Variants in CNBD1 observed in about 807,000 individuals in gnomAD.
CNBD1 encodes the protein cyclic nucleotide binding domain containing 1, also known as cyclic nucleotide-binding domain-containing protein 1.
In CNBD1, 71 loss-of-function variants were observed where a neutral mutation model predicts 54.4. The observed-to-expected ratio is 1.30, with a 90% CI of 1.08 to 1.59. The LOEUF is 1.59. Ranked by LOEUF, CNBD1 falls within the 40% of genes most tolerant of loss-of-function variation. The pLI, the probability that CNBD1 is intolerant of heterozygous loss-of-function variation, is 0.00. For missense variants in CNBD1, 659 were observed against 518.0 expected (o/e 1.27, Z -2.64); for synonymous variants, 182 against 170.7 (o/e 1.07, Z -0.51).
chr8:87,322,873 C>T (rs1809568493), intron 8 of CNBD1, among the ~76,000 whole-genome samples: 1 of 117,816 alleles, frequency 8.5e-6, no homozygotes, highest in Admixed American at 8.5e-5. Context: ...ACATGAAGTC[C>T]TTGCCCATGC....
At chr8:87,077,376 G>A (rs62527275) in intron 4 of CNBD1, among the ~76,000 whole-genome samples, 3 of 150,906 alleles carry the variant, frequency 2.0e-5, no homozygotes, top group African/African-American at 4.9e-5. Context: ...GCAGAAAGAC[G>A]GCTAACTAGC....
chr8:87,397,046 T>G (rs2130974172), intron 2 of CNBD1, among the ~76,000 whole-genome samples: 1 of 152,058 alleles, frequency 6.6e-6, no homozygotes, highest in African/African-American at 2.4e-5. Flanking sequence ...AGGCAAGCTT[T>G]TAAAATATAA....
chr8:86,932,760 T>C (rs960788525), intron 3 of CNBD1, among the ~76,000 whole-genome samples: 1 of 152,066 alleles, frequency 6.6e-6, no homozygotes, highest in African/African-American at 2.4e-5. Flanking sequence ...ATGGATTCAT[T>C]TCAAGGGTGA....
At chr8:87,270,459 A>G (rs996511136) in intron 6 of CNBD1, among the ~76,000 whole-genome samples, 6 of 151,980 alleles carry the variant, frequency 3.9e-5, no homozygotes, top group African/African-American at 1.4e-4. Flanking sequence ...AAGTCAACAA[A>G]TAACAGATTC....
chr8:87,012,971 C>T (rs1433027389), intron 4 of CNBD1, among the ~76,000 whole-genome samples: 1 of 152,200 alleles, frequency 6.6e-6, no homozygotes, highest in East Asian at 1.9e-4. Flanking sequence ...CATGGTCACT[C>T]ATATTTGGCT....
intron 6 of CNBD1, among the ~76,000 whole-genome samples, chr8:87,252,123 C>T (rs1807929299): frequency 6.6e-6 from 1 of 152,040 alleles, no homozygotes. Context: ...TTTTTCCATT[C>T]TGTTATAATC....
chr8:87,306,795 T>C (rs971100310), intron 8 of CNBD1, among the ~76,000 whole-genome samples: 1 of 151,902 alleles, frequency 6.6e-6, no homozygotes, highest in Non-Finnish European at 1.5e-5. Context: ...TAGAAGACTA[T>C]AAATATGGTG....
At chr8:87,277,838 T>C (rs7837819) in intron 6 of CNBD1, among the ~76,000 whole-genome samples, 42,644 of 151,336 alleles carry the variant, frequency 0.28, 6,461 homozygotes, top group African/African-American at 0.39. Flanking sequence ...TAAAAAGTTA[T>C]CAGGAATGTC....
At chr8:87,137,918 A>G (rs1812291253) in intron 4 of CNBD1, among the ~76,000 whole-genome samples, 2 of 152,128 alleles carry the variant, frequency 1.3e-5, no homozygotes, top group Non-Finnish European at 2.9e-5. Context: ...TTTCTGCCAT[A>G]ATTATGGTTA....
chr8:87,372,697 A>G (rs979020005), intron 10 of CNBD1, among the ~76,000 whole-genome samples: 3 of 151,864 alleles, frequency 2.0e-5, no homozygotes, highest in Non-Finnish European at 2.9e-5. Flanking sequence ...GCTCTTACCT[A>G]TCAATGATTA....
At chr8:87,003,253 A>G (rs1457435265) in intron 4 of CNBD1, among the ~76,000 whole-genome samples, 1 of 152,228 alleles carries the variant, frequency 6.6e-6, no homozygotes, top group Non-Finnish European at 1.5e-5. Flanking sequence ...TTGGTATTTT[A>G]AAATATTTGT....
chr8:86,967,088 C>G (rs1563840925), intron 4 of CNBD1, among the ~76,000 whole-genome samples: 1 of 152,158 alleles, frequency 6.6e-6, no homozygotes, highest in Non-Finnish European at 1.5e-5. Context: ...CCACCTGACC[C>G]AGAAGCCCAC....
At chr8:86,947,856 T>G (rs1443098187) in intron 4 of CNBD1, among the ~76,000 whole-genome samples, 1 of 152,106 alleles carries the variant, frequency 6.6e-6, no homozygotes, top group Non-Finnish European at 1.5e-5. Context: ...TGGGTCTTAT[T>G]TATTCTATTT....
At chr8:87,348,647 G>T (rs1047206140) in intron 8 of CNBD1, among the ~76,000 whole-genome samples, 3 of 152,146 alleles carry the variant, frequency 2.0e-5, no homozygotes, top group African/African-American at 7.2e-5. Context: ...TGGTATGTTA[G>T]ACTAGTAGGC....
At chr8:87,049,364 C>A (rs543441792) in intron 4 of CNBD1, among the ~76,000 whole-genome samples, 1 of 152,104 alleles carries the variant, frequency 6.6e-6, no homozygotes, top group African/African-American at 2.4e-5. Context: ...CATGGAGAAC[C>A]AGGAAAGCAT....
chr8:87,380,170 A>G (rs1166829184), intron 10 of CNBD1, among the ~76,000 whole-genome samples: 1 of 151,988 alleles, frequency 6.6e-6, no homozygotes, highest in African/African-American at 2.4e-5. Flanking sequence ...TAATTTAATA[A>G]TTTGTGCTAA....
chr8:86,906,490 A>C (rs62528023), intron 3 of CNBD1, among the ~76,000 whole-genome samples: 64,905 of 151,826 alleles, frequency 0.43, 14,489 homozygotes, highest in African/African-American at 0.56. Context: ...CTAGATGTAC[A>C]TACATCTGGA....
intron 2 of CNBD1, among the ~76,000 whole-genome samples, chr8:87,402,593 C>G (rs1428082959): frequency 6.6e-6 from 1 of 152,060 alleles, no homozygotes; most frequent in Non-Finnish European, 1.5e-5. Flanking sequence ...GGAGTCCAAA[C>G]TTTATTCATT....
At chr8:86,948,778 G>A (rs2130442621) in intron 4 of CNBD1, among the ~76,000 whole-genome samples, 1 of 152,100 alleles carries the variant, frequency 6.6e-6, no homozygotes, top group East Asian at 1.9e-4. Context: ...GATCTCATTT[G>A]TCCATTTTTG....
Sources: gnomAD v4.1 joint callset for allele counts (sites outside exome capture counted in the v4.1 genomes callset) on GRCh38, gnomAD v4.1.1 for gene constraint, MANE v1.5 for transcripts, NCBI Gene and HGNC (gene_info 2026-07-23, HGNC 2026-07-21) for gene names.